The following FNBP1 variants were observed in gnomAD, a reference collection of about 807,000 sequenced individuals.
The protein encoded by FNBP1 is formin binding protein 1.
Under a neutral mutation model 90.6 loss-of-function variants are expected in FNBP1, and 26 were observed. The ratio of observed to expected loss-of-function variants is 0.29; its 90% CI spans 0.21 to 0.40. The LOEUF (loss-of-function observed/expected upper bound fraction) is 0.40. Ranked by LOEUF, FNBP1 falls within the 10% of genes least tolerant of loss-of-function variation. The pLI is 1.00. For synonymous variants in FNBP1, 260 were observed against 265.2 expected (o/e 0.98, Z 0.19); for missense variants, 635 against 768.0 (o/e 0.83, Z 2.05).
chr9:129,909,035 C>T, intron 11 of FNBP1, 36 bp from the exon 12 acceptor site: 1 of 1,465,390 alleles, frequency 6.8e-7, no homozygotes, highest in South Asian at 1.1e-5. Context: ...ACCAGAAAGC[C>T]CCAGGCTTTC....
In FNBP1 at chr9:129,992,203, G is replaced by A. The variant is rs1311303227; in HGVS notation, c.140+2640C>T. Among the ~76,000 whole-genome samples the A allele has an allele frequency of 5.9e-5, 9 of 152,142 alleles. No individual in the cohort carries two copies. In the South Asian group the frequency reaches 1.7e-3, roughly 28 times the overall value. On this transcript the variant is annotated intron_variant, in intron 2 of 16. Coordinates refer to ENST00000446176, the MANE Select transcript of FNBP1 (RefSeq NM_015033.3). ...GGGGCCAGCAAGGGAGACTGTCGTG[G>A]GAAGAATACCAGTAGCCCGCTTGAG...
intron 6 of FNBP1, among the ~76,000 whole-genome samples, chr9:129,942,121 A>C (rs1325847592): frequency 6.6e-6 from 1 of 152,144 alleles, no homozygotes; most frequent in Non-Finnish European, 1.5e-5. Context: ...TAGAGAAAAC[A>C]ATTGTCAACC....
upstream of FNBP1, chr9:130,043,309 C>CT (rs1269649321): frequency 2.7e-4 from 52 of 193,772 alleles, no homozygotes; most frequent in Middle Eastern, 3.4e-3. Flanking sequence ...CCGGCCCCCT[C>CT]CCCCGGGCTC....
At chr9:129,967,693 T>C (rs1037836580) in intron 4 of FNBP1, among the ~76,000 whole-genome samples, 14 of 152,090 alleles carry the variant, frequency 9.2e-5, no homozygotes, top group African/African-American at 3.4e-4. Flanking sequence ...TCATGTGAGA[T>C]ACGAAATGTG....
At position 129,895,477 on chromosome 9, in the gene FNBP1, G is replaced by A. The variant is rs969244769; in HGVS notation, c.1846+361C>T. The A allele has an allele frequency of 7.8e-6, 9 of 1,149,236 alleles. No homozygotes were observed. In the South Asian group the frequency reaches 1.3e-4, roughly 16 times the overall value. 71.2% of individuals were successfully genotyped at this position (1,149,236 alleles called of 1,614,324 possible). A position where few individuals can be genotyped will look rare whatever the true frequency, so the allele number is the denominator to read the frequency against. On this transcript the variant is annotated intron_variant, in intron 16 of 16. Transcript: ENST00000446176. ...GAAGTCTTTGGCACCTGCATGATGC[G>A]TGCCGGCTTTTAAATTCAGAAAGAT... is the stretch of plus-strand genomic sequence containing the variant.
rs769119735 is a variant in FNBP1 at position 129,896,006 on chromosome 9, C to T, written c.1688-10G>A. 30 of 1,604,314 alleles carry T rather than the reference C, an allele frequency of 1.9e-5. No homozygotes were observed. Among genetic ancestry groups the T allele is most frequent in the Admixed American group, 5.2e-5 (3 of 58,018 alleles). ...GTTCCTTCATTCTGACCTGAAAAAG[C>T]AATATCAGGATATGTTAGATGTCTT... is the stretch of plus-strand genomic sequence containing the variant. On this transcript the variant is annotated splice_polypyrimidine_tract_variant and intron_variant, in intron 15 of 16. Coordinates refer to ENST00000446176, the MANE Select transcript of FNBP1 (RefSeq NM_015033.3).
chr9:129,992,337 C>T (rs981065927), intron 2 of FNBP1, among the ~76,000 whole-genome samples: 8 of 152,104 alleles, frequency 5.3e-5, no homozygotes, highest in African/African-American at 1.4e-4. Context: ...ACTTTCAGTT[C>T]GAAAAGCCCC....
intron 4 of FNBP1, 47 bp from the exon 5 acceptor site, chr9:129,958,600 T>C: frequency 6.9e-7 from 1 of 1,453,286 alleles, no homozygotes; most frequent in Non-Finnish European, 9.5e-7. Flanking sequence ...CTGCTTCTCT[T>C]ATGAACCCAG....
chr9:130,048,938 G>A, the FNBP1 span, among the ~76,000 whole-genome samples: 5 of 151,166 alleles, frequency 3.3e-5, no homozygotes, highest in East Asian at 9.8e-4. Context: ...CCGCCACCAT[G>A]CCTGGCTAGT....
intron 1 of FNBP1, among the ~76,000 whole-genome samples, chr9:130,040,626 GAA>G (rs3055737): frequency 1.4e-5 from 2 of 139,210 alleles, no homozygotes; most frequent in African/African-American, 5.3e-5. Context: ...CTCCGTCTCA[GAA>G]AAAAAAAAAA....
chr9:129,946,971 A>C (rs1463183534), intron 6 of FNBP1, among the ~76,000 whole-genome samples: 1 of 152,170 alleles, frequency 6.6e-6, no homozygotes, highest in Non-Finnish European at 1.5e-5. Flanking sequence ...CCATTGCTAC[A>C]CTATCAGAAC....
At chr9:129,947,600 C>T (rs575102499) in intron 6 of FNBP1, among the ~76,000 whole-genome samples, 12 of 151,778 alleles carry the variant, frequency 7.9e-5, no homozygotes, top group Admixed American at 7.2e-4. Flanking sequence ...GAATACTTCA[C>T]GACTTAGGAA....
intron 4 of FNBP1, among the ~76,000 whole-genome samples, chr9:129,976,609 C>T (rs935563387): frequency 6.6e-6 from 1 of 152,184 alleles, no homozygotes; most frequent in Admixed American, 6.5e-5. Flanking sequence ...CTATTGAATG[C>T]TTGTCCCAGG....
intron 2 of FNBP1, among the ~76,000 whole-genome samples, chr9:129,989,208 T>C (rs75275788): frequency 0.014 from 2,156 of 152,312 alleles, 56 homozygotes; most frequent in African/African-American, 0.045. Context: ...TTTGGAGTCA[T>C]ACATGCTATC....
chr9:130,007,252 A>G (rs1039679483), intron 1 of FNBP1, among the ~76,000 whole-genome samples: 1 of 148,748 alleles, frequency 6.7e-6, no homozygotes, highest in Admixed American at 6.6e-5. Context: ...AAAAAAAAAA[A>G]AAAAAGAAAA....
chr9:130,049,928 G>A, the FNBP1 span, among the ~76,000 whole-genome samples: 1 of 151,980 alleles, frequency 6.6e-6, no homozygotes, highest in East Asian at 1.9e-4. Context: ...CCAGACTGGA[G>A]TGCAGTGGCA....
chr9:130,037,354 G>GA (rs2059413198), intron 1 of FNBP1, among the ~76,000 whole-genome samples: 1 of 151,712 alleles, frequency 6.6e-6, no homozygotes. Context: ...ACTCCATCTC[G>GA]AAAAAGAAAA....
intron 1 of FNBP1, among the ~76,000 whole-genome samples, chr9:130,034,263 A>C (rs1415860395): frequency 6.6e-6 from 1 of 150,710 alleles, no homozygotes; most frequent in Non-Finnish European, 1.5e-5. Context: ...CAGTGAGCTG[A>C]GATCACACCA....
intron 16 of FNBP1, chr9:129,895,159 CTT>C: frequency 1.5e-6 from 1 of 655,642 alleles, no homozygotes; most frequent in Non-Finnish European, 2.0e-6. Flanking sequence ...ATTCACCAAA[CTT>C]TTCCAGATTT....
Sources: gnomAD v4.1 joint callset for allele counts (sites outside exome capture counted in the v4.1 genomes callset) on GRCh38, gnomAD v4.1.1 for gene constraint, MANE v1.5 for transcripts, NCBI Gene and HGNC (gene_info 2026-07-23, HGNC 2026-07-21) for gene names.